CRACD: variants seen among roughly 807,000 people sequenced by gnomAD.
The protein encoded by CRACD is capping protein inhibiting regulator of actin dynamics.
In CRACD, 56 loss-of-function variants were observed where a neutral mutation model predicts 106.8. The ratio of observed to expected loss-of-function variants is 0.52; its 90% CI spans 0.42 to 0.66. CRACD has a LOEUF of 0.66. Among genes scored for constraint, CRACD ranks in the 30% least tolerant of loss-of-function variants. CRACD has a pLI of 0.00. For synonymous variants in CRACD, 754 were observed against 670.8 expected (o/e 1.12, Z -1.92); for missense variants, 1,730 against 1,623.2 (o/e 1.07, Z -1.13).
intron 3 of CRACD, among the ~76,000 whole-genome samples, chr4:56,287,035 A>G (rs966356620): frequency 6.6e-6 from 1 of 152,198 alleles, no homozygotes; most frequent in African/African-American, 2.4e-5. Flanking sequence ...AACTTTAAGC[A>G]CAGAAACAAG....
chr4:56,116,812 A>G (rs1306676742), intron 1 of CRACD, among the ~76,000 whole-genome samples: 1 of 150,840 alleles, frequency 6.6e-6, no homozygotes, highest in Admixed American at 6.6e-5. Flanking sequence ...GGTTCAAGCG[A>G]TTCTCCTGCC....
chr4:56,116,193 A>G (rs894094735), intron 1 of CRACD, among the ~76,000 whole-genome samples: 6 of 152,290 alleles, frequency 3.9e-5, no homozygotes, highest in African/African-American at 1.4e-4. Context: ...TGTGAGTGAC[A>G]TGACTCCTGC....
chr4:56,196,203 T>C (rs1737599966), intron 2 of CRACD: 1 of 152,518 alleles, frequency 6.6e-6, no homozygotes, highest in East Asian at 1.9e-4. Context: ...GCATATTATG[T>C]GATGACCATG....
At chr4:56,088,593 C>T (rs1733310736) in intron 1 of CRACD, among the ~76,000 whole-genome samples, 1 of 152,146 alleles carries the variant, frequency 6.6e-6, no homozygotes, top group Non-Finnish European at 1.5e-5. Flanking sequence ...TTAAAGACCT[C>T]AGTTGAAGTA....
At chr4:56,234,811 G>A (rs1036907764) in intron 2 of CRACD, among the ~76,000 whole-genome samples, 14 of 152,126 alleles carry the variant, frequency 9.2e-5, no homozygotes, top group Non-Finnish European at 2.9e-5. Flanking sequence ...TATATGATGG[G>A]ACTTCAAGTG....
chr4:56,060,291 A>G (rs1316764721), intron 1 of CRACD, among the ~76,000 whole-genome samples: 7 of 151,916 alleles, frequency 4.6e-5, no homozygotes, highest in African/African-American at 1.7e-4. Context: ...TAACGAACTC[A>G]TAGTCCATCT....
At chr4:56,097,707 G>A (rs866622289) in intron 1 of CRACD, among the ~76,000 whole-genome samples, 2 of 152,124 alleles carry the variant, frequency 1.3e-5, no homozygotes, top group African/African-American at 4.8e-5. Context: ...AGAAAATAGT[G>A]AACAATGGTG....
At chr4:56,084,237 G>T (rs978821030) in intron 1 of CRACD, among the ~76,000 whole-genome samples, 3 of 152,112 alleles carry the variant, frequency 2.0e-5, no homozygotes, top group African/African-American at 2.4e-5. Context: ...GAAAAGTCAC[G>T]AACTACGTTT....
At position 56,305,226 on chromosome 4, in the gene CRACD, A is replaced by G. The variant is rs1052480485; in HGVS notation, c.121-2309A>G. Among the ~76,000 whole-genome samples, 5 of 152,146 alleles carry G rather than the reference A, an allele frequency of 3.3e-5. No individual in the cohort carries two copies. In the East Asian group the frequency reaches 9.6e-4, roughly 29 times the overall value. On this transcript the variant is annotated intron_variant, in intron 4 of 10. Transcript: ENST00000682029. Reference sequence around the variant, plus strand: ...ACAGAAAGAGACCCTGTCTCAGAAAAAAAGGAATTATCCTTTCCACTGTAA... The same window carrying G: ...ACAGAAAGAGACCCTGTCTCAGAAAGAAAGGAATTATCCTTTCCACTGTAA...
intron 3 of CRACD, among the ~76,000 whole-genome samples, chr4:56,272,916 G>A (rs995839371): frequency 1.3e-5 from 2 of 150,192 alleles, no homozygotes; most frequent in African/African-American, 2.5e-5. Flanking sequence ...AAAAAAAAAG[G>A]ATCACAAATG....
chr4:56,093,001 A>G (rs1043531592), intron 1 of CRACD, among the ~76,000 whole-genome samples: 5 of 152,218 alleles, frequency 3.3e-5, no homozygotes, highest in African/African-American at 1.2e-4. Context: ...CTAAATATAT[A>G]GATGAATTAG....
At chr4:56,274,293 G>C (rs1162154494) in intron 3 of CRACD, among the ~76,000 whole-genome samples, 2 of 152,204 alleles carry the variant, frequency 1.3e-5, no homozygotes, top group African/African-American at 4.8e-5. Flanking sequence ...ATCAGGATGA[G>C]GAACAGATAG....
intron 1 of CRACD, among the ~76,000 whole-genome samples, chr4:56,137,430 C>A (rs182999341): frequency 7.9e-5 from 12 of 152,026 alleles, no homozygotes; most frequent in African/African-American, 1.2e-4. Context: ...GGATTTATAA[C>A]CAAAAGTCTT....
At chr4:56,090,564 T>C (rs1391715762) in intron 1 of CRACD, among the ~76,000 whole-genome samples, 1 of 152,058 alleles carries the variant, frequency 6.6e-6, no homozygotes, top group East Asian at 1.9e-4. Flanking sequence ...CCAGGTAATT[T>C]TTGTATTTTT....
At chr4:56,300,293 T>A (rs939267899) in intron 4 of CRACD, among the ~76,000 whole-genome samples, 2 of 152,172 alleles carry the variant, frequency 1.3e-5, no homozygotes, top group Admixed American at 1.3e-4. Context: ...CCAAGAGACC[T>A]TGGAACGACA....
chr4:56,280,815 T>C (rs1243355904), intron 3 of CRACD, among the ~76,000 whole-genome samples: 1 of 152,196 alleles, frequency 6.6e-6, no homozygotes, highest in African/African-American at 2.4e-5. Context: ...CCAATGAAGT[T>C]ATACTGAAGT....
At chr4:56,239,590 G>C (rs1325401664) in intron 2 of CRACD, among the ~76,000 whole-genome samples, 1 of 152,090 alleles carries the variant, frequency 6.6e-6, no homozygotes, top group Non-Finnish European at 1.5e-5. Context: ...AGATGACCTA[G>C]ATGTCATCTC....
chr4:56,321,194 T>C, intron 8 of CRACD: 1 of 273,662 alleles, frequency 3.7e-6, no homozygotes. Flanking sequence ...ACGGTTTTAT[T>C]CTTCTTCTCC....
intron 2 of CRACD, among the ~76,000 whole-genome samples, chr4:56,194,546 G>A (rs1204248827): frequency 6.6e-6 from 1 of 152,178 alleles, no homozygotes; most frequent in Non-Finnish European, 1.5e-5. Context: ...ATAGTATTAG[G>A]ATATACAGCC....
Sources: allele counts gnomAD v4.1 joint callset (sites outside exome capture counted in the v4.1 genomes callset), GRCh38; gene constraint gnomAD v4.1.1; transcripts MANE v1.5; gene names NCBI Gene and HGNC (gene_info 2026-07-23, HGNC 2026-07-21).